Variants in HSPA4 observed in about 807,000 individuals in gnomAD.
The protein encoded by HSPA4 is heat shock 70 kDa protein 4.
In HSPA4, 25 loss-of-function variants were observed where a neutral mutation model predicts 106.2. The observed-to-expected ratio is 0.24, with a 90% CI of 0.17 to 0.33. The LOEUF (loss-of-function observed/expected upper bound fraction) is 0.33, where lower values mean the gene tolerates loss of function less well. HSPA4 is among the 10% of genes least tolerant of loss of function. The pLI is 1.00. For missense variants in HSPA4, 841 were observed against 996.0 expected, an observed-to-expected ratio of 0.84 and a Z score of 2.10; for synonymous variants, 332 against 333.6, an observed-to-expected ratio of 1.00 and a Z score of 0.05.
intron 4 of HSPA4, among the ~76,000 whole-genome samples, chr5:133,070,726 A>T (rs1217587872): frequency 6.6e-6 from 1 of 151,924 alleles, no homozygotes; most frequent in Non-Finnish European, 1.5e-5. Context: ...ACATGGTAAA[A>T]CCCCGTCTCT....
chr5:133,086,666 C>A, intron 7 of HSPA4, 116 bp from the exon 8 acceptor site: 1 of 698,012 alleles, frequency 1.4e-6, no homozygotes. Context: ...GATCCACTGT[C>A]TCCACATTTT....
chr5:133,071,912 C>T (rs943027531), intron 4 of HSPA4, among the ~76,000 whole-genome samples: 1 of 152,146 alleles, frequency 6.6e-6, no homozygotes, highest in Non-Finnish European at 1.5e-5. Flanking sequence ...GCTGATACAC[C>T]AGATCCTGTA....
chr5:133,086,549 G>A lies in HSPA4; in HGVS notation c.909-233G>A, dbSNP rs187618925. ...TTCTTTTGGCTATATACCTAGAATG[G>A]AATTGCTGAATCATATGCTAACTCT... On this transcript the variant is annotated intron_variant, in intron 7 of 18. Transcript: ENST00000304858. Among the ~76,000 whole-genome samples the A allele has an allele frequency of 1.5e-4, 23 of 152,306 alleles. No individual in the cohort carries two copies. In the East Asian group the frequency reaches 4.1e-3, roughly 27 times the overall value.
chr5:133,071,328 G>T lies in HSPA4; in HGVS notation c.429+832G>T, dbSNP rs561791330. ...AAAAAAAAATTAGCTGGGCATGGTG[G>T]CACACACCTGTAGTCCCAGCTACTT... On this transcript the variant is annotated intron_variant, in intron 4 of 18. Coordinates refer to ENST00000304858, the MANE Select transcript of HSPA4 (RefSeq NM_002154.4). 1.6e-4 allele frequency among the ~76,000 whole-genome samples: 24 copies of T among 150,638 alleles called. 1 individual carries two copies. In the South Asian group the frequency reaches 5.0e-3, roughly 32 times the overall value.
At chr5:133,063,738 TTACTTA>T (rs1037349197) in intron 1 of HSPA4, among the ~76,000 whole-genome samples, 85 of 145,198 alleles carry the variant, frequency 5.9e-4, no homozygotes, top group African/African-American at 2.0e-3. Context: ...CGGCCAAAAT[TTACTTA>T]TACTTATTAA....
At chr5:133,092,815 T>TG (rs1765663914) in intron 13 of HSPA4, 26 bp downstream of exon 13, 2 of 857,382 alleles carry the variant, frequency 2.3e-6, no homozygotes, top group Admixed American at 6.4e-5. Flanking sequence ...TGTTTTTTTT[T>TG]TTTTTTTTTT....
Position 133,070,302 on chromosome 5 carries a change from T to C in HSPA4, c.307-72T>C, listed in dbSNP as rs530687522. The C allele has an allele frequency of 1.1e-3, 1,522 of 1,441,624 alleles. 2 individuals are homozygous for C. The highest frequency in any genetic ancestry group is 1.4e-3 in the Non-Finnish European group (1,439 of 1,056,848). 89.3% of individuals were successfully genotyped at this position (1,441,624 alleles called of 1,614,324 possible). A position where few individuals can be genotyped will look rare whatever the true frequency, so the allele number is the denominator to read the frequency against. Reference sequence around the variant, plus strand: ...CATTGATAATGGGAAGCATTGTTCATTTTAGCTTTTAGGACTAGGACATGA... The same window carrying C: ...CATTGATAATGGGAAGCATTGTTCACTTTAGCTTTTAGGACTAGGACATGA... On this transcript the variant is annotated intron_variant, in intron 3 of 18. Coordinates refer to ENST00000304858, the MANE Select transcript of HSPA4 (RefSeq NM_002154.4).
Position 133,089,552 on chromosome 5 carries a change from C to G in HSPA4, c.1245-10C>G. The G allele has an allele frequency of 6.2e-7, 1 of 1,610,524 alleles. No individual in the cohort carries two copies. Among genetic ancestry groups the G allele is most frequent in the Non-Finnish European group, 8.5e-7 (1 of 1,178,370 alleles). The stretch of plus-strand genomic sequence containing the variant: ...CTGAATTTGTGTTTTTGTCTTTTTC[C>G]TCCATTCAGTGACTGTGAAGTCTTT... On this transcript the variant is annotated splice_polypyrimidine_tract_variant and intron_variant, in intron 10 of 18. Coordinates refer to ENST00000304858, the MANE Select transcript of HSPA4 (RefSeq NM_002154.4).
chr5:133,072,086 A>G (rs956213754), intron 4 of HSPA4, among the ~76,000 whole-genome samples: 18 of 152,158 alleles, frequency 1.2e-4, no homozygotes, highest in Non-Finnish European at 2.4e-4. Flanking sequence ...AGTTTTGGGT[A>G]TCAAGTTAAA....
chr5:133,103,237 A>G (rs1386021655), intron 17 of HSPA4, among the ~76,000 whole-genome samples: 2 of 151,410 alleles, frequency 1.3e-5, no homozygotes, highest in Non-Finnish European at 2.9e-5. Flanking sequence ...TAATTTTTGT[A>G]TTTTTTGTGG....
Position 133,088,482 on chromosome 5 carries a change from G to T in HSPA4, c.1064G>T (p.Ser355Ile), listed in dbSNP as rs746262701. ...ATCCCTGCGGTAAAAGAGAAGATCA[G>T]CAAATTTTTCGGTAAAGAACTTAGT... is the stretch of plus-strand genomic sequence containing the variant. ...TRIPAVKEKISKFFGKELSTT... is the reference protein window; with the variant it reads ...TRIPAVKEKIIKFFGKELSTT... Residue 355 changes from serine to isoleucine, a missense_variant, in exon 9 of 19, where the codon AGC (serine) becomes ATC (isoleucine). This residue lies in a region of HSPA4 where 162 missense variants were observed against 177.7 expected (regional missense o/e 0.91). Coordinates refer to ENST00000304858, the MANE Select transcript of HSPA4 (RefSeq NM_002154.4). The T allele has an allele frequency of 6.8e-6, 11 of 1,613,546 alleles. No homozygotes were observed. The Admixed American group carries it at 1.7e-4, about 24-fold the overall frequency.
intron 7 of HSPA4, among the ~76,000 whole-genome samples, chr5:133,082,466 T>C (rs944126195): frequency 6.6e-6 from 1 of 152,206 alleles, no homozygotes; most frequent in Admixed American, 6.5e-5. Flanking sequence ...TTTTAATTTT[T>C]AAAATTTATT....
Position 133,088,395 on chromosome 5 carries a change from T to C in HSPA4, c.986-9T>C. ...CATTAAAAAAATCTGTCTAATTCTT[T>C]AAAAATAGAGTTAAAGAAAGAAGAT... On this transcript the variant is annotated splice_polypyrimidine_tract_variant and intron_variant, in intron 8 of 18. Transcript: ENST00000304858. 3 of 1,572,388 alleles carry C rather than the reference T, an allele frequency of 1.9e-6. No individual in the cohort carries two copies. The highest frequency in any genetic ancestry group is 2.6e-6 in the Non-Finnish European group (3 of 1,145,356).
At chr5:133,067,897 T>G (rs1765329058) in intron 3 of HSPA4, among the ~76,000 whole-genome samples, 1 of 151,506 alleles carries the variant, frequency 6.6e-6, no homozygotes, top group Non-Finnish European at 1.5e-5. Context: ...TCACAGTTTT[T>G]TTTTTTTTTT....
intron 7 of HSPA4, among the ~76,000 whole-genome samples, chr5:133,083,782 C>A (rs1242413499): frequency 1.3e-5 from 2 of 152,104 alleles, no homozygotes; most frequent in African/African-American, 4.8e-5. Context: ...GGTGATCCGC[C>A]CGCCTCAGTC....
At chr5:133,075,514 GGGCAACAT>G (rs1185731915) in intron 6 of HSPA4, among the ~76,000 whole-genome samples, 1 of 152,144 alleles carries the variant, frequency 6.6e-6, no homozygotes, top group Non-Finnish European at 1.5e-5. Context: ...AGACAAGTCT[GGGCAACAT>G]GGTAAAACCC....
At chr5:133,079,183 A>G (rs189923696) in intron 7 of HSPA4, among the ~76,000 whole-genome samples, 25 of 152,342 alleles carry the variant, frequency 1.6e-4, no homozygotes, top group African/African-American at 4.6e-4. Flanking sequence ...AAAGTAAACA[A>G]TTCACTGGAA....
At position 133,094,784 on chromosome 5, in the gene HSPA4, C is replaced by T. The variant is rs1326633934; in HGVS notation, c.1651-1314C>T. On this transcript the variant is annotated intron_variant, in intron 13 of 18. Coordinates refer to ENST00000304858, the MANE Select transcript of HSPA4 (RefSeq NM_002154.4). ...GAAATGATAGATAAATTTCAGCAGC[C>T]GACTTAAGTTAGTTATAGGAGGTGG... 3.3e-5 allele frequency among the ~76,000 whole-genome samples: 5 copies of T among 152,130 alleles called. No homozygotes were observed. The East Asian group carries it at 9.6e-4, about 29-fold the overall frequency.
Position 133,104,250 on chromosome 5 carries a change from T to C in HSPA4, c.2337T>C (p.Cys779=), listed in dbSNP as rs1183466232. Residue 779 remains cysteine, a synonymous_variant, in exon 19 of 19, where the codon TGT becomes TGC. Transcript: ENST00000304858. ...EAKIKELTST[C]SPIISKPKPK... ...CATTCCAGGAGCTGACAAGTACTTG[T>C]AGCCCTATAATTTCAAAGCCCAAAC... 1.2e-6 allele frequency: 2 copies of C among 1,613,890 alleles called. No homozygotes were observed. Among genetic ancestry groups the C allele is most frequent in the African/African-American group, 2.7e-5 (2 of 74,896 alleles).
Sources: gnomAD v4.1 joint callset for allele counts (sites outside exome capture counted in the v4.1 genomes callset) on GRCh38, gnomAD v4.1.1 for gene constraint, gnomAD v4.1.1 regional missense constraint, MANE v1.5 for transcripts, NCBI Gene and HGNC (gene_info 2026-07-23, HGNC 2026-07-21) for gene names.